The following HYAL4 variants were observed in gnomAD, a reference collection of about 807,000 sequenced individuals.
HYAL4 encodes the protein hyaluronidase 4, also known as hyaluronidase-4.
HYAL4 carries 37 observed loss-of-function variants against 35.2 expected under a neutral mutation model. The ratio of observed to expected loss-of-function variants is 1.05; its 90% CI spans 0.81 to 1.38. HYAL4 has a LOEUF of 1.38. Among genes scored for constraint, HYAL4 ranks in the 40% most tolerant of loss-of-function variants. The pLI is 0.00. For synonymous variants in HYAL4, 198 were observed against 203.2 expected, an observed-to-expected ratio of 0.97 and a Z score of 0.22; for missense variants, 572 against 572.4, an observed-to-expected ratio of 1.00 and a Z score of 0.01.
the HYAL4 span, among the ~76,000 whole-genome samples, chr7:123,767,160 T>C: frequency 2.6e-5 from 4 of 152,332 alleles, no homozygotes; most frequent in South Asian, 4.1e-4. Flanking sequence ...TGTTAACTTT[T>C]AGGATTGGCT....
At chr7:123,801,485 A>C in the HYAL4 span, among the ~76,000 whole-genome samples, 1 of 152,182 alleles carries the variant, frequency 6.6e-6, no homozygotes, top group Non-Finnish European at 1.5e-5. Flanking sequence ...CTTTTCTCTC[A>C]TGAAAGGATG....
chr7:123,814,825 T>TGATGAAGTTCTCCGCAATGACCAACTCC, the HYAL4 span: 19,709 of 152,628 alleles, frequency 0.13, 1,347 homozygotes, highest in Non-Finnish European at 0.14. Flanking sequence ...ATTGTCCAAA[T>TGATGAAGTTCTCCGCAATGACCAACTCC]TGTGGCTGTG....
chr7:123,776,981 T>G, the HYAL4 span, among the ~76,000 whole-genome samples: 1 of 152,140 alleles, frequency 6.6e-6, no homozygotes, highest in African/African-American at 2.4e-5. Flanking sequence ...CAAAAAATAA[T>G]TACGGTGAAG....
chr7:123,765,642 ATATT>A, the HYAL4 span, among the ~76,000 whole-genome samples: 1 of 152,190 alleles, frequency 6.6e-6, no homozygotes, highest in Non-Finnish European at 1.5e-5. Context: ...TAACTTTTAA[ATATT>A]TATTTTATCA....
At chr7:123,861,328 T>G (rs1806571490) in intron 2 of HYAL4, among the ~76,000 whole-genome samples, 1 of 152,202 alleles carries the variant, frequency 6.6e-6, no homozygotes, top group Non-Finnish European at 1.5e-5. Context: ...CGCAGACCAC[T>G]GGATGGCTTT....
At chr7:123,815,556 G>T in the HYAL4 span, among the ~76,000 whole-genome samples, 4 of 152,090 alleles carry the variant, frequency 2.6e-5, no homozygotes, top group African/African-American at 9.7e-5. Flanking sequence ...TATTGTCAAG[G>T]CATTAAAACT....
the HYAL4 span, among the ~76,000 whole-genome samples, chr7:123,801,081 A>C: frequency 3.9e-5 from 6 of 152,128 alleles, no homozygotes; most frequent in Non-Finnish European, 8.8e-5. Flanking sequence ...TTTGGAGGCC[A>C]AGGTGGGCTG....
intron 1 of HYAL4, among the ~76,000 whole-genome samples, chr7:123,836,880 T>C (rs1411497447): frequency 6.6e-6 from 1 of 151,934 alleles, no homozygotes; most frequent in Non-Finnish European, 1.5e-5. Context: ...AAGCAAAAAT[T>C]AGCTGGGCGC....
At chr7:123,823,092 A>G in the HYAL4 span, among the ~76,000 whole-genome samples, 2 of 152,192 alleles carry the variant, frequency 1.3e-5, no homozygotes, top group Admixed American at 6.6e-5. Flanking sequence ...TGGGCTTGTC[A>G]TATGTGGCCT....
chr7:123,785,643 G>A, the HYAL4 span, among the ~76,000 whole-genome samples: 9 of 152,146 alleles, frequency 5.9e-5, no homozygotes, highest in South Asian at 2.1e-4. The surrounding 1 kb of genome is among the most constrained non-coding windows in gnomAD (Gnocchi z 4.5). Flanking sequence ...TATATGCCAC[G>A]TATTTCATGA....
chr7:123,872,131 G>T (rs1352395398), intron 3 of HYAL4, among the ~76,000 whole-genome samples: 1 of 152,060 alleles, frequency 6.6e-6, no homozygotes, highest in Non-Finnish European at 1.5e-5. Flanking sequence ...TACCCAACAG[G>T]TCATTTCTTA....
upstream of HYAL4, among the ~76,000 whole-genome samples, chr7:123,842,652 A>G (rs1806093110): frequency 6.6e-6 from 1 of 151,878 alleles, no homozygotes; most frequent in Non-Finnish European, 1.5e-5. Context: ...GTAGGTCTCT[A>G]AGGACTTGCT....
chr7:123,783,387 G>A, the HYAL4 span, among the ~76,000 whole-genome samples: 1 of 152,180 alleles, frequency 6.6e-6, no homozygotes, highest in Non-Finnish European at 1.5e-5. Flanking sequence ...ATGAAGGTTA[G>A]TAGAATTAAT....
chr7:123,795,776 A>G, the HYAL4 span, among the ~76,000 whole-genome samples: 25 of 152,198 alleles, frequency 1.6e-4, no homozygotes, highest in African/African-American at 5.5e-4. Context: ...TATACTATCA[A>G]TGAAACATAT....
intron 1 of HYAL4, among the ~76,000 whole-genome samples, chr7:123,839,584 A>G (rs1311460699): frequency 6.6e-6 from 1 of 152,224 alleles, no homozygotes; most frequent in South Asian, 2.1e-4. Context: ...TGGTTGAACT[A>G]ATTTACACTT....
the HYAL4 span, chr7:123,815,173 C>T: frequency 6.6e-6 from 1 of 152,378 alleles, no homozygotes; most frequent in Admixed American, 6.6e-5. Context: ...ATGTATATTT[C>T]TTCAAATGTC....
chr7:123,862,910 C>T (rs1438280060), intron 2 of HYAL4, among the ~76,000 whole-genome samples: 1 of 152,168 alleles, frequency 6.6e-6, no homozygotes, highest in Non-Finnish European at 1.5e-5. Flanking sequence ...TAAGCCCCAA[C>T]AAGACCCTCA....
the HYAL4 span, among the ~76,000 whole-genome samples, chr7:123,797,516 G>T: frequency 1.3e-5 from 2 of 152,148 alleles, no homozygotes; most frequent in African/African-American, 4.8e-5. Context: ...TATTTTTCTT[G>T]CCTTTGCAAA....
chr7:123,861,702 A>G (rs1806579908), intron 2 of HYAL4, among the ~76,000 whole-genome samples: 3 of 152,206 alleles, frequency 2.0e-5, no homozygotes, highest in Non-Finnish European at 4.4e-5. Context: ...TCATTTTCAC[A>G]TATTTACAAA....
Sources: allele counts gnomAD v4.1 joint callset (sites outside exome capture counted in the v4.1 genomes callset), GRCh38; gene constraint gnomAD v4.1.1; non-coding constraint Gnocchi (gnomAD v3.1); transcripts MANE v1.5; gene names NCBI Gene and HGNC (gene_info 2026-07-23, HGNC 2026-07-21).